The following PALM2AKAP2 variants were observed in gnomAD, a reference collection of about 807,000 sequenced individuals.
PALM2AKAP2 encodes PALM2-AKAP2 fusion protein.
PALM2AKAP2 carries 37 observed loss-of-function variants against 71.5 expected under a neutral mutation model. That is an observed-to-expected ratio of 0.52 (90% CI 0.40 to 0.68). The LOEUF is 0.68. Ranked by LOEUF, PALM2AKAP2 falls within the 30% of genes least tolerant of loss-of-function variation. The pLI, the probability that PALM2AKAP2 is intolerant of heterozygous loss-of-function variation, is 0.00. For missense variants in PALM2AKAP2, 1,224 were observed against 1,191.8 expected (o/e 1.03, Z -0.40); for synonymous variants, 468 against 478.8 (o/e 0.98, Z 0.29).
intron 1 of PALM2AKAP2, among the ~76,000 whole-genome samples, chr9:109,709,121 G>T (rs1239724230): frequency 1.3e-5 from 2 of 152,172 alleles, no homozygotes; most frequent in Admixed American, 6.5e-5. Context: ...AATACTGGGG[G>T]AATCCAAACA....
chr9:110,078,445 T>G (rs563114111), intron 1 of PALM2AKAP2, among the ~76,000 whole-genome samples: 5 of 152,368 alleles, frequency 3.3e-5, no homozygotes, highest in Non-Finnish European at 7.3e-5. Flanking sequence ...TATCTATTTT[T>G]AAATAACTGT....
chr9:109,969,514 G>A (rs1832024530), intron 6 of PALM2AKAP2, among the ~76,000 whole-genome samples: 4 of 152,208 alleles, frequency 2.6e-5, no homozygotes, highest in Admixed American at 2.6e-4. Flanking sequence ...TGGTCTGGCA[G>A]GCAGTTCAAA....
rs528355161 is a variant in PALM2AKAP2, at chr9:110,105,848, T to G, written c.157-30279T>G. On this transcript the variant is annotated intron_variant, in intron 1 of 3. Coordinates refer to ENST00000374525, the Ensembl canonical transcript of PALM2AKAP2. ...TCAGCTAGTTAATTTTGCGTTTAAG[T>G]CTATGTGATTTTCATTCTAATGTCT... Among the ~76,000 whole-genome samples the G allele has an allele frequency of 2.0e-5, 3 of 152,338 alleles. No homozygotes were observed. In the South Asian group the frequency reaches 6.2e-4, roughly 32 times the overall value.
chr9:109,978,664 C>T (rs942313068), intron 6 of PALM2AKAP2, among the ~76,000 whole-genome samples: 1 of 152,204 alleles, frequency 6.6e-6, no homozygotes, highest in Non-Finnish European at 1.5e-5. Context: ...GAAGAGTCCC[C>T]TCACTGTGGC....
chr9:110,158,973 A>G (rs116069966), intron 3 of PALM2AKAP2, among the ~76,000 whole-genome samples: 2,241 of 152,290 alleles, frequency 0.015, 55 homozygotes, highest in African/African-American at 0.051. Context: ...AGCCCTTCCA[A>G]TTTAGGGGAC....
chr9:109,867,528 G>A lies in PALM2AKAP2; in HGVS notation c.83G>A (p.Arg28Gln), dbSNP rs375952367. The A allele has an allele frequency of 8.7e-6, 14 of 1,612,794 alleles. No individual in the cohort carries two copies. Among genetic ancestry groups the A allele is most frequent in the Admixed American group, 5.0e-5 (3 of 59,904 alleles). ...AGGCAGACTGAAATAGAAGGCAAGC[G>A]ACAACAGCTTGACGAGCAGATACTT... The change falls in exon 2 of 10, where the codon CGA (arginine) becomes CAA (glutamine). Residue 28 changes from arginine (R) to glutamine (Q), a missense_variant. Transcript: ENST00000302798.
At chr9:109,933,025 A>G (rs772896885) in intron 6 of PALM2AKAP2, among the ~76,000 whole-genome samples, 4 of 152,272 alleles carry the variant, frequency 2.6e-5, no homozygotes, top group Non-Finnish European at 5.9e-5. Flanking sequence ...AAGAATTAAC[A>G]TAGTTGTCAC....
rs564644617 is a variant in PALM2AKAP2 at position 109,957,438 on chromosome 9, G to A, written c.496+25410G>A. On this transcript the variant is annotated intron_variant, in intron 6 of 9. Transcript: ENST00000302798. The stretch of plus-strand genomic sequence containing the variant: ...AGACTTCTTGGTTGACTCTTGAAGA[G>A]TCAGGGATTTAGTCAATGCAAGCTG... 2.8e-3 allele frequency among the ~76,000 whole-genome samples: 423 copies of A among 152,346 alleles called. 3 individuals are homozygous for A. The highest frequency in any genetic ancestry group is 3.5e-3 in the Non-Finnish European group (236 of 68,026).
At chr9:109,908,075 C>G (rs1830488225) in intron 3 of PALM2AKAP2, among the ~76,000 whole-genome samples, 1 of 152,198 alleles carries the variant, frequency 6.6e-6, no homozygotes. Context: ...CCTTTTAGAA[C>G]TATATTGATT....
At chr9:109,706,191 G>A (rs1046779093) in intron 1 of PALM2AKAP2, among the ~76,000 whole-genome samples, 44 of 152,148 alleles carry the variant, frequency 2.9e-4, no homozygotes, top group African/African-American at 8.7e-4. Flanking sequence ...GAACTAAAAA[G>A]GCTGTATTGC....
chr9:109,804,595 G>C (rs915617295), intron 1 of PALM2AKAP2, among the ~76,000 whole-genome samples: 1 of 152,062 alleles, frequency 6.6e-6, no homozygotes, highest in African/African-American at 2.4e-5. Context: ...TTTCCTGCTA[G>C]TCTTCTATTA....
At chr9:110,018,721 A>C (rs1833023457) in intron 7 of PALM2AKAP2, among the ~76,000 whole-genome samples, 1 of 152,194 alleles carries the variant, frequency 6.6e-6, no homozygotes, top group Non-Finnish European at 1.5e-5. Context: ...TCACTAAGGA[A>C]TTTGTGAATT....
chr9:110,168,815 G>A (rs1321854448), exon 4 of PALM2AKAP2: 4 of 256,544 alleles, frequency 1.6e-5, no homozygotes, highest in South Asian at 9.5e-5. Flanking sequence ...TGCTGCAGGC[G>A]GAACTGAGAC....
chr9:109,897,914 T>C (rs1382523629), intron 3 of PALM2AKAP2, among the ~76,000 whole-genome samples: 5 of 152,234 alleles, frequency 3.3e-5, no homozygotes, highest in African/African-American at 4.8e-5. Context: ...GCTTGTTCAG[T>C]TGAACAAGGT....
intron 1 of PALM2AKAP2, among the ~76,000 whole-genome samples, chr9:109,850,326 T>C (rs1252889645): frequency 3.3e-5 from 5 of 152,152 alleles, no homozygotes; most frequent in African/African-American, 1.2e-4. Context: ...TAGTGTAGCA[T>C]TGAGACATTT....
rs58267168 is a variant in PALM2AKAP2, at chr9:109,873,442, AAAAATAAAATAAAATAAAAT to A, written c.126+5907_126+5926del. Among the ~76,000 whole-genome samples, 617 of 143,068 alleles carry A rather than the reference AAAAATAAAATAAAATAAAAT, an allele frequency of 4.3e-3. 7 individuals carry two copies. Among genetic ancestry groups the A allele is most frequent in the African/African-American group, 0.014 (546 of 37,712 alleles). 93.9% of individuals were successfully genotyped at this position (143,068 alleles called of 152,430 possible). ...CACAGTGAGACTCCATCTCAAATTA[AAAAATAAAATAAAATAAAAT>A]AAAATAAAATAAAATAAAATAAAAT... On this transcript the variant is annotated intron_variant, in intron 2 of 9. Transcript: ENST00000302798.
chr9:109,658,329 G>C (rs1295494385), intron 1 of PALM2AKAP2, among the ~76,000 whole-genome samples: 1 of 152,024 alleles, frequency 6.6e-6, no homozygotes, highest in African/African-American at 2.4e-5. Context: ...TTGATAGGCA[G>C]AAGTTTCTAG....
chr9:110,109,661 TC>T (rs1835200140), intron 1 of PALM2AKAP2, among the ~76,000 whole-genome samples: 1 of 152,074 alleles, frequency 6.6e-6, no homozygotes, highest in Non-Finnish European at 1.5e-5. Flanking sequence ...CCAGGAAACT[TC>T]AAGGGGGAGC....
upstream of PALM2AKAP2, among the ~76,000 whole-genome samples, chr9:110,046,093 A>T (rs1004079248): frequency 3.3e-5 from 5 of 152,180 alleles, no homozygotes; most frequent in Non-Finnish European, 7.3e-5. Context: ...ATCACCCTCA[A>T]TTGGGAACCA....
Sources: gnomAD v4.1 joint callset for allele counts (sites outside exome capture counted in the v4.1 genomes callset) on GRCh38, gnomAD v4.1.1 for gene constraint, MANE v1.5 for transcripts, NCBI Gene and HGNC (gene_info 2026-07-23, HGNC 2026-07-21) for gene names.